KCNT2: variants seen among roughly 807,000 people sequenced by gnomAD.
KCNT2 encodes potassium sodium-activated channel subfamily T member 2, also known as potassium channel subfamily T member 2.
Under a neutral mutation model 153.8 loss-of-function variants are expected in KCNT2, and 67 were observed. The ratio of observed to expected loss-of-function variants is 0.44; its 90% confidence interval spans 0.36 to 0.53. KCNT2 has a LOEUF of 0.53. Among genes scored for constraint, KCNT2 ranks in the 20% least tolerant of loss-of-function variants. The pLI is 0.00. For synonymous variants in KCNT2, 500 were observed against 458.8 expected, an observed-to-expected ratio of 1.09 and a Z score of -1.15; for missense variants, 975 against 1,354.8, an observed-to-expected ratio of 0.72 and a Z score of 4.40.
intron 25 of KCNT2, among the ~76,000 whole-genome samples, chr1:196,280,067 A>G (rs1182801076): frequency 6.6e-6 from 1 of 150,716 alleles, no homozygotes; most frequent in African/African-American, 2.5e-5. Context: ...TGTCTGAAGA[A>G]AAAAAAATTC....
chr1:196,459,765 A>T (rs1212265905), intron 8 of KCNT2, among the ~76,000 whole-genome samples: 1 of 151,828 alleles, frequency 6.6e-6, no homozygotes, highest in Non-Finnish European at 1.5e-5. Context: ...TGGAAGATGC[A>T]CGGCTAAACT....
intron 5 of KCNT2, among the ~76,000 whole-genome samples, chr1:196,472,369 T>TA (rs991391370): frequency 2.6e-5 from 4 of 152,230 alleles, no homozygotes; most frequent in Non-Finnish European, 5.9e-5. Context: ...ATTAAACTTG[T>TA]AACTGCTGAG....
chr1:196,329,320 T>C (rs1416318430), intron 18 of KCNT2, among the ~76,000 whole-genome samples: 1 of 152,112 alleles, frequency 6.6e-6, no homozygotes, highest in Non-Finnish European at 1.5e-5. Flanking sequence ...TAATTCCAGG[T>C]ATCACTAGAC....
At chr1:196,487,203 T>C (rs1300509685) in intron 3 of KCNT2, among the ~76,000 whole-genome samples, 6 of 151,990 alleles carry the variant, frequency 3.9e-5, no homozygotes, top group Non-Finnish European at 8.8e-5. Context: ...TATGATGATA[T>C]AACTGGTTCT....
Position 196,280,879 on chromosome 1 carries a change from T to C in KCNT2, c.2891A>G (p.Gln964Arg). 4.3e-6 allele frequency: 7 copies of C among 1,612,742 alleles called. No homozygotes were observed. Among genetic ancestry groups the C allele is most frequent in the Non-Finnish European group, 5.9e-6 (7 of 1,178,902 alleles). ...CCAAACCTCAGATGTAGTAAGTTTC[T>C]GAGACTCAGTCCTGTAGATTCCAAT... ...VPIGIYRTESQKLTTSESQIS... is the reference protein window; with the variant it reads ...VPIGIYRTESRKLTTSESQIS... The change falls in exon 25 of 28, where the codon CAG becomes CGG. Residue 964 changes from glutamine to arginine, a missense_variant. Transcript: ENST00000294725.
intron 14 of KCNT2, among the ~76,000 whole-genome samples, chr1:196,356,296 T>C (rs1360372378): frequency 1.3e-5 from 2 of 151,762 alleles, no homozygotes; most frequent in Non-Finnish European, 3.0e-5. Context: ...TGCCCTGCAC[T>C]TAGTCTGAGT....
intron 1 of KCNT2, among the ~76,000 whole-genome samples, chr1:196,526,486 G>A (rs1261169993): frequency 2.0e-5 from 3 of 150,150 alleles, no homozygotes; most frequent in South Asian, 2.1e-4. Flanking sequence ...ATGGAGTCTT[G>A]CTTTGTCGCC....
At chr1:196,533,197 C>T (rs1655161464) in intron 1 of KCNT2, among the ~76,000 whole-genome samples, 1 of 152,048 alleles carries the variant, frequency 6.6e-6, no homozygotes, top group African/African-American at 2.4e-5. Context: ...AAAGCACAGG[C>T]TTCCTAGTGA....
intron 25 of KCNT2, among the ~76,000 whole-genome samples, chr1:196,277,446 C>G (rs114394497): frequency 6.6e-6 from 1 of 152,094 alleles, no homozygotes; most frequent in Non-Finnish European, 1.5e-5. Flanking sequence ...TTTAACTTAG[C>G]GTTCAGAATT....
intron 22 of KCNT2, among the ~76,000 whole-genome samples, chr1:196,289,153 T>G (rs1268983873): frequency 6.6e-6 from 1 of 152,102 alleles, no homozygotes; most frequent in Non-Finnish European, 1.5e-5. Context: ...ACTTTGTATT[T>G]TTTTATCCTT....
chr1:196,533,262 A>G (rs929575039), intron 1 of KCNT2, among the ~76,000 whole-genome samples: 4 of 152,114 alleles, frequency 2.6e-5, no homozygotes, highest in Non-Finnish European at 4.4e-5. Context: ...CTCTTCCAAT[A>G]TGCAATAATT....
At chr1:196,445,573 T>C (rs1158415040) in intron 8 of KCNT2, among the ~76,000 whole-genome samples, 1 of 151,458 alleles carries the variant, frequency 6.6e-6, no homozygotes, top group Non-Finnish European at 1.5e-5. Context: ...AATTCAATTC[T>C]TAAAGTGTAA....
intron 9 of KCNT2, among the ~76,000 whole-genome samples, chr1:196,429,162 A>G (rs541954313): frequency 1.3e-5 from 2 of 152,092 alleles, no homozygotes; most frequent in South Asian, 2.1e-4. Context: ...TTTGACAAAC[A>G]TAAGTAATAG....
At chr1:196,302,945 T>C (rs952061418) in intron 22 of KCNT2, among the ~76,000 whole-genome samples, 3 of 151,892 alleles carry the variant, frequency 2.0e-5, no homozygotes, top group African/African-American at 7.3e-5. Context: ...TTTGGAAATA[T>C]GTTGATGTAT....
At chr1:196,242,406 A>C (rs1296525560) in intron 26 of KCNT2, among the ~76,000 whole-genome samples, 1 of 152,078 alleles carries the variant, frequency 6.6e-6, no homozygotes, top group African/African-American at 2.4e-5. Context: ...TTTTATTTTA[A>C]TAATTGGACC....
intron 26 of KCNT2, among the ~76,000 whole-genome samples, chr1:196,256,131 A>G (rs1182184418): frequency 2.6e-5 from 4 of 151,890 alleles, no homozygotes; most frequent in Admixed American, 6.6e-5. Context: ...TTATCTCCAT[A>G]TTTTTCCTCA....
intron 13 of KCNT2, among the ~76,000 whole-genome samples, chr1:196,381,412 T>C (rs1397902482): frequency 2.0e-5 from 3 of 151,998 alleles, no homozygotes; most frequent in Non-Finnish European, 4.4e-5. Context: ...GAAGCTTCTT[T>C]TTAGTAATAA....
chr1:196,349,330 C>T (rs1257894144), intron 14 of KCNT2, among the ~76,000 whole-genome samples: 1 of 152,086 alleles, frequency 6.6e-6, no homozygotes, highest in Non-Finnish European at 1.5e-5. Flanking sequence ...TCTTTAAAAT[C>T]ACATTGGAGC....
At chr1:196,244,750 G>A (rs898219746) in intron 26 of KCNT2, among the ~76,000 whole-genome samples, 4 of 152,126 alleles carry the variant, frequency 2.6e-5, no homozygotes, top group African/African-American at 4.8e-5. Flanking sequence ...GGCATCTCTG[G>A]ACTTGCCCAG....
Sources: gnomAD v4.1 joint callset for allele counts (sites outside exome capture counted in the v4.1 genomes callset) on GRCh38, gnomAD v4.1.1 for gene constraint, MANE v1.5 for transcripts, NCBI Gene and HGNC (gene_info 2026-07-23, HGNC 2026-07-21) for gene names.